Variants in MLLT3 observed in about 807,000 individuals in gnomAD.
The protein encoded by MLLT3 is MLLT3 super elongation complex subunit.
Under a neutral mutation model 53.2 loss-of-function variants are expected in MLLT3, and 4 were observed. That is an observed-to-expected ratio of 0.08 (90% confidence interval 0.04 to 0.17). MLLT3 has a LOEUF of 0.17. MLLT3 is among the 10% of genes least tolerant of loss of function. The probability of loss-of-function intolerance (pLI) is 1.00; values close to 1 mark genes in which losing one functional copy is unlikely to be tolerated. For missense variants in MLLT3, 569 were observed against 684.0 expected (o/e 0.83, Z 1.87); for synonymous variants, 283 against 230.6 (o/e 1.23, Z -2.06).
At chr9:20,365,828 C>G in intron 5 of MLLT3, 84 bp from the exon 6 acceptor site, 4 of 1,371,246 alleles carry the variant, frequency 2.9e-6, no homozygotes, top group Non-Finnish European at 4.1e-6. Context: ...GTTGCTCAAA[C>G]CATCCTCTGC....
intron 6 of MLLT3, among the ~76,000 whole-genome samples, 155 bp downstream of exon 6, chr9:20,365,514 T>C (rs1459509555): frequency 2.0e-5 from 3 of 152,194 alleles, no homozygotes; most frequent in African/African-American, 7.2e-5. Context: ...ATTTTTTGTA[T>C]TTTTAGTAGA....
intron 5 of MLLT3, among the ~76,000 whole-genome samples, chr9:20,374,526 AAAG>A (rs147753120): frequency 0.01 from 1,578 of 152,340 alleles, 32 homozygotes; most frequent in African/African-American, 0.036. Flanking sequence ...AAATTTAAAC[AAAG>A]AAGTATTGAA....
At chr9:20,362,014 A>T (rs1821335534) in intron 7 of MLLT3, among the ~76,000 whole-genome samples, 1 of 152,222 alleles carries the variant, frequency 6.6e-6, no homozygotes, top group South Asian at 2.1e-4. Flanking sequence ...AAATTACATT[A>T]ATGAAGTGTT....
chr9:20,613,985 C>A (rs771765490), intron 2 of MLLT3, among the ~76,000 whole-genome samples: 1 of 152,040 alleles, frequency 6.6e-6, no homozygotes, highest in Non-Finnish European at 1.5e-5. Flanking sequence ...TGGGAACAAT[C>A]CAAAAGAAGT....
intron 10 of MLLT3, among the ~76,000 whole-genome samples, chr9:20,350,499 G>A (rs536776021): frequency 6.7e-6 from 1 of 149,192 alleles, no homozygotes; most frequent in African/African-American, 2.5e-5. Context: ...GGAGGCTGAG[G>A]CAGGAGAATG....
intron 4 of MLLT3, among the ~76,000 whole-genome samples, chr9:20,423,292 A>C (rs1369758372): frequency 6.6e-6 from 1 of 152,222 alleles, no homozygotes; most frequent in Non-Finnish European, 1.5e-5. Context: ...TGGGCCAGAA[A>C]TGAAAGAAGA....
chr9:20,534,243 T>C (rs780639355), intron 2 of MLLT3, among the ~76,000 whole-genome samples: 1 of 152,234 alleles, frequency 6.6e-6, no homozygotes, highest in Non-Finnish European at 1.5e-5. Context: ...GTGGGAGAAC[T>C]GACCCAACTT....
intron 2 of MLLT3, among the ~76,000 whole-genome samples, chr9:20,557,974 A>G (rs1819105774): frequency 6.6e-6 from 1 of 152,170 alleles, no homozygotes; most frequent in Non-Finnish European, 1.5e-5. Flanking sequence ...CCAAAAAATA[A>G]CTGGATAGAC....
intron 2 of MLLT3, among the ~76,000 whole-genome samples, chr9:20,530,645 A>G (rs1168701008): frequency 6.6e-6 from 1 of 152,226 alleles, no homozygotes; most frequent in Non-Finnish European, 1.5e-5. Flanking sequence ...TGTTCAGTAA[A>G]CCATGATTCC....
chr9:20,592,589 C>T (rs1820156303), intron 2 of MLLT3, among the ~76,000 whole-genome samples: 1 of 152,204 alleles, frequency 6.6e-6, no homozygotes, highest in Non-Finnish European at 1.5e-5. Flanking sequence ...AATAGTCATT[C>T]TTAGAACTTC....
intron 2 of MLLT3, among the ~76,000 whole-genome samples, chr9:20,619,111 G>C (rs922916409): frequency 1.3e-5 from 2 of 152,174 alleles, no homozygotes; most frequent in Non-Finnish European, 2.9e-5. Context: ...AACCTCATCA[G>C]CGATAGAAAT....
intron 5 of MLLT3, among the ~76,000 whole-genome samples, chr9:20,403,866 T>A (rs963674114): frequency 2.0e-5 from 3 of 152,186 alleles, no homozygotes; most frequent in Non-Finnish European, 4.4e-5. Context: ...TTGCCCAGGC[T>A]GGAGTACAGT....
At chr9:20,539,665 G>A (rs934536497) in intron 2 of MLLT3, among the ~76,000 whole-genome samples, 12 of 152,208 alleles carry the variant, frequency 7.9e-5, no homozygotes, top group African/African-American at 1.4e-4. Flanking sequence ...CCTGACACAC[G>A]GGGATTACAA....
chr9:20,622,200 G>A (rs1255611077), intron 1 of MLLT3, 45 bp downstream of exon 1: 4 of 1,570,974 alleles, frequency 2.5e-6, no homozygotes, highest in Non-Finnish European at 3.5e-6. Context: ...GGGCGAGGAA[G>A]GAAAGTGGGG....
At chr9:20,355,584 T>C (rs985207350) in intron 8 of MLLT3, among the ~76,000 whole-genome samples, 2 of 152,236 alleles carry the variant, frequency 1.3e-5, no homozygotes, top group Admixed American at 6.5e-5. Context: ...ATTTAATAAA[T>C]GCAGCTGATT....
intron 5 of MLLT3, among the ~76,000 whole-genome samples, chr9:20,374,023 C>T (rs1821687720): frequency 6.6e-6 from 1 of 151,560 alleles, no homozygotes; most frequent in South Asian, 2.1e-4. Context: ...AAGTCCACCT[C>T]ATTTAGTTTC....
chr9:20,406,307 T>C (rs1207842190), intron 5 of MLLT3, among the ~76,000 whole-genome samples: 2 of 152,088 alleles, frequency 1.3e-5, no homozygotes, highest in Non-Finnish European at 2.9e-5. Flanking sequence ...TTCATGCCTC[T>C]TTCCTTCAAA....
Position 20,344,428 on chromosome 9 carries a change from TCC to T in MLLT3, c.*2013_*2014del, listed in dbSNP as rs548856276. On this transcript the variant is annotated 3_prime_UTR_variant, in exon 11 of 11. Coordinates refer to ENST00000380338, the MANE Select transcript of MLLT3 (RefSeq NM_004529.4). The stretch of plus-strand genomic sequence containing the variant: ...CAACATTTCCATATAAACATTACCC[TCC>T]CCTTCCAGCTATAAAGTTAAAAACA... The T allele has an allele frequency of 1.1e-4, 23 of 216,000 alleles. No homozygotes were observed. In the South Asian group the frequency reaches 4.3e-3, roughly 40 times the overall value. The allele number at this position is 216,000 out of a possible 1,614,324, so 13.4% of individuals were successfully genotyped here.
At chr9:20,568,666 T>C (rs1819448260) in intron 2 of MLLT3, among the ~76,000 whole-genome samples, 1 of 152,182 alleles carries the variant, frequency 6.6e-6, no homozygotes, top group Admixed American at 6.6e-5. Flanking sequence ...GAAAAGAATC[T>C]GACAAAAATA....
Sources: gnomAD v4.1 joint callset for allele counts (sites outside exome capture counted in the v4.1 genomes callset) on GRCh38, gnomAD v4.1.1 for gene constraint, MANE v1.5 for transcripts, NCBI Gene and HGNC (gene_info 2026-07-23, HGNC 2026-07-21) for gene names.